The following PIK3C2G variants were observed in gnomAD, a reference collection of about 807,000 sequenced individuals.
The protein encoded by PIK3C2G is phosphatidylinositol 3-kinase C2 domain-containing subunit gamma.
A neutral mutation model predicts 181.1 loss-of-function variants in PIK3C2G; 168 were observed. That is an observed-to-expected ratio of 0.93 (90% CI 0.82 to 1.05). The LOEUF (loss-of-function observed/expected upper bound fraction) is 1.05, where lower values mean the gene tolerates loss of function less well. PIK3C2G is among the 50% of genes least tolerant of loss of function. The probability of loss-of-function intolerance (pLI) is 0.00; values close to 1 mark genes in which losing one functional copy is unlikely to be tolerated. For missense variants in PIK3C2G, 1,869 were observed against 1,732.8 expected (o/e 1.08, Z -1.40); for synonymous variants, 573 against 592.2 (o/e 0.97, Z 0.47).
intron 18 of PIK3C2G, among the ~76,000 whole-genome samples, chr12:18,474,121 TCA>T (rs148700207): frequency 0.055 from 8,406 of 152,188 alleles, 277 homozygotes; most frequent in Non-Finnish European, 0.078. Context: ...GATATTAATA[TCA>T]CACATTCACT....
chr12:18,683,553 C>A, the PIK3C2G span: 1 of 1,491,890 alleles, frequency 6.7e-7, no homozygotes, highest in African/African-American at 1.4e-5. Context: ...CTTCTCCTTC[C>A]GCAAAGCGCT....
intron 11 of PIK3C2G, among the ~76,000 whole-genome samples, chr12:18,347,888 T>G (rs79635730): frequency 0.039 from 5,932 of 152,130 alleles, 213 homozygotes; most frequent in African/African-American, 0.098. Flanking sequence ...GTATAAATAT[T>G]CAGAGTAAAT....
chr12:18,348,004 GA>G, intron 11 of PIK3C2G, among the ~76,000 whole-genome samples: 1 of 151,692 alleles, frequency 6.6e-6, no homozygotes, highest in South Asian at 2.1e-4. Context: ...ATAATTTTAT[GA>G]AAAATTTTAA....
At chr12:18,536,505 C>A (rs1369761648) in intron 24 of PIK3C2G, among the ~76,000 whole-genome samples, 1 of 152,078 alleles carries the variant, frequency 6.6e-6, no homozygotes, top group Admixed American at 6.6e-5. Flanking sequence ...TGATTTGAAA[C>A]CTGGTTCACA....
chr12:18,336,642 C>T (rs572756309), intron 8 of PIK3C2G, among the ~76,000 whole-genome samples: 1 of 152,074 alleles, frequency 6.6e-6, no homozygotes, highest in African/African-American at 2.4e-5. Context: ...TGATTTTTTT[C>T]CATTTGGATG....
At chr12:18,608,653 T>G (rs943011168) in intron 30 of PIK3C2G, among the ~76,000 whole-genome samples, 3 of 151,942 alleles carry the variant, frequency 2.0e-5, no homozygotes, top group African/African-American at 7.2e-5. Flanking sequence ...CACATGTATA[T>G]ATATGTAACA....
chr12:18,578,386 G>A (rs1322405705), intron 29 of PIK3C2G, among the ~76,000 whole-genome samples: 1 of 152,094 alleles, frequency 6.6e-6, no homozygotes, highest in African/African-American at 2.4e-5. Flanking sequence ...TGATAGAACA[G>A]TAATGATGTC....
At chr12:18,701,478 A>G in the PIK3C2G span, 4 of 1,613,902 alleles carry the variant, frequency 2.5e-6, no homozygotes, top group Non-Finnish European at 3.4e-6. Context: ...CACTTGTAAG[A>G]TTTTCACAAA....
intron 24 of PIK3C2G, among the ~76,000 whole-genome samples, chr12:18,521,418 G>A (rs1404374521): frequency 6.6e-6 from 1 of 152,216 alleles, no homozygotes; most frequent in Non-Finnish European, 1.5e-5. Context: ...GGCCCAGGGA[G>A]ATCAGAGTTC....
At position 18,609,558 on chromosome 12, in the gene PIK3C2G, C is replaced by A; in HGVS notation, c.4111C>A (p.Pro1371Thr). Residue 1371 changes from proline (P) to threonine (T), a missense_variant, in exon 31 of 33, where the codon CCT becomes ACT. Transcript: ENST00000538779. The stretch of plus-strand genomic sequence containing the variant: ...AGGTGAGAAGTTTCCAGACAAGAAG[C>A]CTAAGGTGCAGTTAGTCATATCCTA... ...YLGEKFPDKK[P>T]KVQLVISYED... 1 of 1,584,880 alleles carries A rather than the reference C, an allele frequency of 6.3e-7. No individual in the cohort carries two copies.
At chr12:18,245,412 AG>A (rs1948029651), upstream of PIK3C2G, among the ~76,000 whole-genome samples, 1 of 152,084 alleles carries the variant, frequency 6.6e-6, no homozygotes, top group Middle Eastern at 3.2e-3. Flanking sequence ...TAAAATTGTT[AG>A]ATTTCCTTTG....
intron 1 of PIK3C2G, among the ~76,000 whole-genome samples, chr12:18,261,803 C>T (rs1305659743): frequency 6.6e-6 from 1 of 152,032 alleles, no homozygotes; most frequent in African/African-American, 2.4e-5. Context: ...CCTGAATAAA[C>T]TTATTCTTTC....
chr12:18,524,938 C>T (rs559093478), intron 24 of PIK3C2G, among the ~76,000 whole-genome samples: 4 of 152,130 alleles, frequency 2.6e-5, no homozygotes, highest in African/African-American at 9.6e-5. Flanking sequence ...CAGTAAAATT[C>T]TTAGAAGAAT....
At chr12:18,357,700 A>G (rs1940878016) in intron 11 of PIK3C2G, among the ~76,000 whole-genome samples, 1 of 152,248 alleles carries the variant, frequency 6.6e-6, no homozygotes, top group African/African-American at 2.4e-5. Context: ...TGTAAAGTAC[A>G]GTAATGTTAA....
intron 14 of PIK3C2G, among the ~76,000 whole-genome samples, chr12:18,390,205 A>T (rs913562545): frequency 3.3e-5 from 5 of 152,200 alleles, no homozygotes; most frequent in Admixed American, 6.5e-5. Context: ...TTTTCAAATA[A>T]ATAAGCGCTC....
At chr12:18,359,345 G>A (rs1941030760) in intron 11 of PIK3C2G, among the ~76,000 whole-genome samples, 1 of 152,144 alleles carries the variant, frequency 6.6e-6, no homozygotes, top group African/African-American at 2.4e-5. Flanking sequence ...TTTGTTTTGT[G>A]ACCTAACATG....
chr12:18,279,067 T>TAAA (rs1361361774), intron 1 of PIK3C2G, among the ~76,000 whole-genome samples: 8 of 152,084 alleles, frequency 5.3e-5, no homozygotes, highest in Non-Finnish European at 1.0e-4. Flanking sequence ...TAACCCTTTT[T>TAAA]AGTGGAGATA....
At chr12:18,703,979 C>T in the PIK3C2G span, among the ~76,000 whole-genome samples, 1 of 152,102 alleles carries the variant, frequency 6.6e-6, no homozygotes, top group African/African-American at 2.4e-5. Flanking sequence ...CAATACTATT[C>T]ATCAAAAAGA....
intron 18 of PIK3C2G, among the ~76,000 whole-genome samples, chr12:18,440,175 C>T (rs771406268): frequency 5.3e-5 from 8 of 151,888 alleles, no homozygotes; most frequent in African/African-American, 1.4e-4. Context: ...GTTGGATAGC[C>T]GTGTGAATTC....
Sources: allele counts gnomAD v4.1 joint callset (sites outside exome capture counted in the v4.1 genomes callset), GRCh38; gene constraint gnomAD v4.1.1; transcripts MANE v1.5; gene names NCBI Gene and HGNC (gene_info 2026-07-23, HGNC 2026-07-21).